Variants in OTOF observed in about 807,000 individuals in gnomAD.
The protein encoded by OTOF is otoferlin, also known as fer-1-like family member 2.
In OTOF, 218 loss-of-function variants were observed where a neutral mutation model predicts 236.8. The observed-to-expected ratio is 0.92, with a 90% CI of 0.82 to 1.03. The LOEUF is 1.03. Among genes scored for constraint, OTOF ranks in the 50% least tolerant of loss-of-function variants. OTOF has a pLI of 0.00. For synonymous variants in OTOF, 1,041 were observed against 1,072.5 expected (o/e 0.97, Z 0.57); for missense variants, 2,590 against 2,694.4 (o/e 0.96, Z 0.86).
At position 26,482,737 on chromosome 2, in the gene OTOF, ATGTGTGCG is replaced by A. The variant is rs1665578900; in HGVS notation, c.1393-153_1393-146del. 2.5e-5 allele frequency: 16 copies of A among 635,752 alleles called. No individual in the cohort carries two copies. In the South Asian group the frequency reaches 2.9e-4, roughly 12 times the overall value. The allele number at this position is 635,752 out of a possible 1,614,324, so 39.4% of individuals were successfully genotyped here. A position where few individuals can be genotyped will look rare whatever the true frequency, so the allele number is the denominator to read the frequency against. On this transcript the variant is annotated intron_variant, in intron 13 of 46. Transcript: ENST00000272371. Reference sequence around the variant, plus strand: ...TGTGCATGCGTGTGTGAGTGGATGCATGTGTGCGTGTGTGAGTGGGTGCATGTGTGAGT... The same window carrying A: ...TGTGCATGCGTGTGTGAGTGGATGCATGTGTGAGTGGGTGCATGTGTGAGT...
At chr2:26,519,238 G>A (rs1666615018) in intron 3 of OTOF, 129 bp from the exon 4 acceptor site, 5 of 692,322 alleles carry the variant, frequency 7.2e-6, no homozygotes, top group African/African-American at 3.5e-5. Context: ...GGGCTGGGCT[G>A]GAGAAGGTGG....
At chr2:26,488,257 G>T (rs1054293703) in intron 11 of OTOF, among the ~76,000 whole-genome samples, 1 of 152,188 alleles carries the variant, frequency 6.6e-6, no homozygotes, top group Non-Finnish European at 1.5e-5. Flanking sequence ...GGGAAGAAAT[G>T]CTGCTGCCTA....
chr2:26,517,598 C>G (rs1483237943), intron 4 of OTOF, among the ~76,000 whole-genome samples: 2 of 152,174 alleles, frequency 1.3e-5, no homozygotes, highest in East Asian at 3.9e-4. Context: ...CATGTCCTTT[C>G]TGGAACAAAT....
At chr2:26,511,815 G>A (rs1329833665) in intron 5 of OTOF, among the ~76,000 whole-genome samples, 1 of 152,164 alleles carries the variant, frequency 6.6e-6, no homozygotes, top group African/African-American at 2.4e-5. Context: ...GCAACTCTGG[G>A]GCTCAGCCTG....
At chr2:26,515,336 T>G (rs1266593983) in intron 5 of OTOF, among the ~76,000 whole-genome samples, 2 of 152,230 alleles carry the variant, frequency 1.3e-5, no homozygotes, top group African/African-American at 4.8e-5. Flanking sequence ...CCCGCCATGT[T>G]TGTTGCAGGC....
chr2:26,481,226 G>T (rs1665533963), intron 14 of OTOF, among the ~76,000 whole-genome samples: 1 of 152,226 alleles, frequency 6.6e-6, no homozygotes, highest in Non-Finnish European at 1.5e-5. Context: ...GCTGGAAGCA[G>T]TGGGAAGGCA....
rs756983082 is a variant in OTOF, at chr2:26,477,771, G to A, written c.2215-22C>T. On this transcript the variant is annotated intron_variant, in intron 18 of 46. Transcript: ENST00000272371. The surrounding 1 kb of genome is among the most constrained non-coding windows in gnomAD (Gnocchi z 4.7). ...CTTCCTGTGAATCAGGAGTGTGGGTGATGCTGGGCCACAGCCCCGCCTCCC... is the reference window on the plus strand; with the variant it reads ...CTTCCTGTGAATCAGGAGTGTGGGTAATGCTGGGCCACAGCCCCGCCTCCC... The A allele has an allele frequency of 3.1e-6, 5 of 1,612,238 alleles. No individual in the cohort carries two copies. Among genetic ancestry groups the A allele is most frequent in the Non-Finnish European group, 4.2e-6 (5 of 1,179,734 alleles).
intron 30 of OTOF, among the ~76,000 whole-genome samples, chr2:26,472,142 A>C (rs931719894): frequency 2.0e-5 from 3 of 151,806 alleles, no homozygotes. Context: ...GTGCATATGC[A>C]CATACCCCAC....
chr2:26,473,323 CT>C lies in OTOF; in HGVS notation c.3571-30del. On this transcript the variant is annotated intron_variant, in intron 28 of 46. Coordinates refer to ENST00000272371, the MANE Select transcript of OTOF (RefSeq NM_194248.3). The surrounding 1 kb of genome is among the most constrained non-coding windows in gnomAD (Gnocchi z 7.2). ...GGGTGTTGGCGACAGGAGCCTGAGC[CT>C]CCAAGAAGGGGCAGAGGAAGCCGGC... 1.2e-6 allele frequency: 2 copies of C among 1,613,278 alleles called. No individual in the cohort carries two copies. Among genetic ancestry groups the C allele is most frequent in the Non-Finnish European group, 1.7e-6 (2 of 1,179,926 alleles).
In OTOF at chr2:26,470,762, C is replaced by T. The variant is rs1054006231; in HGVS notation, c.3895-41G>A. 10 of 1,605,464 alleles carry T rather than the reference C, an allele frequency of 6.2e-6. No individual in the cohort carries two copies. The highest frequency in any genetic ancestry group is 2.2e-5 in the East Asian group (1 of 44,684). ...GTCCAGAGTCCTACATGGACTCCTCCTGCCTGGACAATCCCGAGAGCCTCC... is the reference window on the plus strand; with the variant it reads ...GTCCAGAGTCCTACATGGACTCCTCTTGCCTGGACAATCCCGAGAGCCTCC... On this transcript the variant is annotated intron_variant, in intron 31 of 46. Coordinates refer to ENST00000272371, the MANE Select transcript of OTOF (RefSeq NM_194248.3). This position sits in a 1 kb window ranked among gnomAD's most constrained non-coding sequence, Gnocchi z 4.3.
At chr2:26,537,933 C>G (rs1304210548) in intron 1 of OTOF, among the ~76,000 whole-genome samples, 159 bp from the exon 2 acceptor site, 1 of 152,142 alleles carries the variant, frequency 6.6e-6, no homozygotes, top group Non-Finnish European at 1.5e-5. Flanking sequence ...GAGGCCAGTC[C>G]CCATGCGGCT....
chr2:26,474,479 C>T, intron 26 of OTOF, 34 bp downstream of exon 26: 1 of 1,560,448 alleles, frequency 6.4e-7, no homozygotes, highest in Non-Finnish European at 8.7e-7. Flanking sequence ...GCCTCCAGTC[C>T]CCAGGCCTCA....
intron 1 of OTOF, among the ~76,000 whole-genome samples, chr2:26,546,751 T>G (rs1048741474): frequency 6.6e-5 from 10 of 151,814 alleles, no homozygotes; most frequent in Middle Eastern, 6.8e-3. Context: ...ATGTTTGGTT[T>G]TTTTTTTTTT....
At chr2:26,495,875 G>C (rs1261782923) in intron 8 of OTOF, among the ~76,000 whole-genome samples, 1 of 152,208 alleles carries the variant, frequency 6.6e-6, no homozygotes, top group African/African-American at 2.4e-5. Flanking sequence ...TCATTAACTT[G>C]CATTTAATTT....
At chr2:26,543,561 A>T (rs909180765) in intron 1 of OTOF, among the ~76,000 whole-genome samples, 14 of 149,822 alleles carry the variant, frequency 9.3e-5, no homozygotes, top group African/African-American at 3.4e-4. Flanking sequence ...CGTGCCCTGG[A>T]TGAAGCTAAT....
At chr2:26,534,727 G>T (rs1002459413) in intron 2 of OTOF, among the ~76,000 whole-genome samples, 1 of 152,202 alleles carries the variant, frequency 6.6e-6, no homozygotes, top group Non-Finnish European at 1.5e-5. Context: ...TACAGAAGGG[G>T]AATCCAAAGC....
intron 5 of OTOF, among the ~76,000 whole-genome samples, chr2:26,509,430 C>T (rs946417506): frequency 3.3e-5 from 5 of 152,212 alleles, no homozygotes; most frequent in Non-Finnish European, 7.3e-5. Context: ...TCTTCCTACA[C>T]AGCGCCATTT....
rs115564282 is a variant in OTOF, at chr2:26,509,501, C to G, written c.510-5656G>C. Among the ~76,000 whole-genome samples, 8 of 152,270 alleles carry G rather than the reference C, an allele frequency of 5.3e-5. No individual in the cohort carries two copies. In the South Asian group the frequency reaches 1.7e-3, roughly 32 times the overall value. On this transcript the variant is annotated intron_variant, in intron 5 of 46. Transcript: ENST00000272371. The stretch of plus-strand genomic sequence containing the variant: ...TGCTTTTGCTTGTGCGTAACAAATG[C>G]GAGTTAGAACTCATACCTTTTTTTG...
At chr2:26,527,799 G>T in intron 3 of OTOF, 33 bp downstream of exon 3, 2 of 1,515,612 alleles carry the variant, frequency 1.3e-6, no homozygotes, top group African/African-American at 1.4e-5. Flanking sequence ...AGCCCGTCCA[G>T]GCCCAGCCCC....
Sources: gnomAD v4.1 joint callset for allele counts (sites outside exome capture counted in the v4.1 genomes callset) on GRCh38, gnomAD v4.1.1 for gene constraint, Gnocchi (gnomAD v3.1) non-coding constraint, MANE v1.5 for transcripts, NCBI Gene and HGNC (gene_info 2026-07-23, HGNC 2026-07-21) for gene names.